SLC44A1: variants seen among roughly 807,000 people sequenced by gnomAD.
SLC44A1 encodes the protein solute carrier family 44 member 1.
Under a neutral mutation model 79.3 loss-of-function variants are expected in SLC44A1, and 26 were observed. The observed-to-expected ratio is 0.33, with a 90% confidence interval of 0.24 to 0.46. The LOEUF (loss-of-function observed/expected upper bound fraction) is 0.46. Among genes scored for constraint, SLC44A1 ranks in the 20% least tolerant of loss-of-function variants. The pLI, the probability that SLC44A1 is intolerant of heterozygous loss-of-function variation, is 1.00. For synonymous variants in SLC44A1, 263 were observed against 286.2 expected (o/e 0.92, Z 0.82); for missense variants, 688 against 798.1 (o/e 0.86, Z 1.66).
chr9:105,249,389 G>A lies in SLC44A1; in HGVS notation c.36+4485G>A, dbSNP rs549726752. Among the ~76,000 whole-genome samples the A allele has an allele frequency of 7.2e-4, 109 of 152,220 alleles. 2 individuals are homozygous for A. The highest frequency in any genetic ancestry group is 3.0e-3 in the Admixed American group (46 of 15,288). Reference sequence around the variant, plus strand: ...ACCTGCAAAGTAAACTTCATCTAACGGGAACAGAAGTCATGGCATGAAGCC... The same window carrying A: ...ACCTGCAAAGTAAACTTCATCTAACAGGAACAGAAGTCATGGCATGAAGCC... On this transcript the variant is annotated intron_variant, in intron 1 of 15. Transcript: ENST00000374720.
intron 15 of SLC44A1, among the ~76,000 whole-genome samples, chr9:105,429,884 T>G (rs2031909): frequency 0.99 from 150,008 of 151,212 alleles, 74,403 homozygotes; most frequent in East Asian, 1. Context: ...TAATTATAGG[T>G]TGTAAAATTA....
At chr9:105,287,043 G>A (rs1420243301) in intron 1 of SLC44A1, among the ~76,000 whole-genome samples, 3 of 152,186 alleles carry the variant, frequency 2.0e-5, no homozygotes, top group Non-Finnish European at 4.4e-5. Context: ...ATTAGCAAGA[G>A]AACAGCAGAA....
intron 1 of SLC44A1, among the ~76,000 whole-genome samples, chr9:105,291,150 C>G (rs1830593632): frequency 6.6e-6 from 1 of 152,194 alleles, no homozygotes; most frequent in Non-Finnish European, 1.5e-5. Context: ...TCTGCTCACT[C>G]TATTGAAAAC....
chr9:105,415,970 C>T (rs1829165489), intron 15 of SLC44A1, among the ~76,000 whole-genome samples: 3 of 139,276 alleles, frequency 2.2e-5, no homozygotes, highest in Non-Finnish European at 3.0e-5. Context: ...GGCGTGATGT[C>T]GGCTCGCTGC....
chr9:105,318,893 G>T (rs1057456096), intron 3 of SLC44A1, among the ~76,000 whole-genome samples: 2 of 152,086 alleles, frequency 1.3e-5, no homozygotes, highest in African/African-American at 4.8e-5. Context: ...GTATATGTTT[G>T]CCATGTCTAA....
intron 2 of SLC44A1, among the ~76,000 whole-genome samples, chr9:105,303,083 T>C (rs1349019416): frequency 6.6e-6 from 1 of 152,152 alleles, no homozygotes; most frequent in African/African-American, 2.4e-5. Flanking sequence ...GGGTTCAGGA[T>C]AGGTTTCTCA....
At chr9:105,258,853 A>G (rs1429371443) in intron 1 of SLC44A1, among the ~76,000 whole-genome samples, 1 of 151,174 alleles carries the variant, frequency 6.6e-6, no homozygotes, top group Admixed American at 6.6e-5. Flanking sequence ...ACACCTGGCT[A>G]ATTTTTGTTT....
intron 1 of SLC44A1, among the ~76,000 whole-genome samples, chr9:105,266,311 C>T (rs1006488980): frequency 6.6e-6 from 1 of 152,072 alleles, no homozygotes; most frequent in African/African-American, 2.4e-5. Flanking sequence ...TAAGTGAGTT[C>T]GCTTCTCATC....
chr9:105,397,967 AAAAAG>A (rs746234864), downstream of SLC44A1, among the ~76,000 whole-genome samples: 6 of 152,054 alleles, frequency 3.9e-5, no homozygotes, highest in Admixed American at 6.5e-5. Flanking sequence ...AAAAAAAGAA[AAAAAG>A]AAAAGAAAAG....
intron 1 of SLC44A1, 150 bp downstream of exon 1, chr9:105,245,054 C>G (rs1352182225): frequency 7.5e-6 from 2 of 266,656 alleles, no homozygotes; most frequent in Non-Finnish European, 6.6e-6. Context: ...GCCTTTCCGT[C>G]CGCCGGGTCC....
intron 1 of SLC44A1, among the ~76,000 whole-genome samples, chr9:105,257,770 G>C (rs1327704139): frequency 1.3e-5 from 2 of 152,210 alleles, no homozygotes; most frequent in Non-Finnish European, 2.9e-5. Context: ...GAATTCCAGT[G>C]TAAAGAACAG....
At chr9:105,304,713 G>A (rs555245579) in intron 2 of SLC44A1, among the ~76,000 whole-genome samples, 1 of 152,140 alleles carries the variant, frequency 6.6e-6, no homozygotes, top group East Asian at 1.9e-4. Context: ...AAAGTTACTT[G>A]CTCATGATGG....
Position 105,290,887 on chromosome 9 carries a change from T to G in SLC44A1, c.37-8333T>G, listed in dbSNP as rs561218585. 5.3e-5 allele frequency among the ~76,000 whole-genome samples: 8 copies of G among 152,380 alleles called. No individual in the cohort carries two copies. The South Asian group carries it at 1.7e-3, about 32-fold the overall frequency. ...CCTGTATCTTTCCACGCAGTGTATC[T>G]TAATACCTTTAACTGTCTGTTAAAA... On this transcript the variant is annotated intron_variant, in intron 1 of 15. Coordinates refer to ENST00000374720, the MANE Select transcript of SLC44A1 (RefSeq NM_080546.5).
chr9:105,420,474 G>C (rs944623756), intron 15 of SLC44A1, among the ~76,000 whole-genome samples: 1 of 152,156 alleles, frequency 6.6e-6, no homozygotes, highest in African/African-American at 2.4e-5. Flanking sequence ...TGAGAATCAT[G>C]CATCCCTTTT....
chr9:105,370,639 C>T (rs1484033840), intron 12 of SLC44A1, among the ~76,000 whole-genome samples: 2 of 151,872 alleles, frequency 1.3e-5, no homozygotes. Flanking sequence ...ATGAGGGAAA[C>T]AAAAAAAGCT....
rs1169891879 is a variant in SLC44A1, at chr9:105,244,763, C to T, written c.-106C>T. 1 of 547,036 alleles carries T rather than the reference C, an allele frequency of 1.8e-6. No homozygotes were observed. The highest frequency in any genetic ancestry group is 5.2e-5 in the East Asian group (1 of 19,404). 33.9% of individuals were successfully genotyped at this position (547,036 alleles called of 1,614,324 possible). On this transcript the variant is annotated 5_prime_UTR_variant, in exon 1 of 16. Coordinates refer to ENST00000374720, the MANE Select transcript of SLC44A1 (RefSeq NM_080546.5). ...CAGCCGCCGCCGCCGCCTAGCCGTG[C>T]GGTGCCAGGCCGCGCCCTCCCCGGG...
intron 1 of SLC44A1, among the ~76,000 whole-genome samples, chr9:105,263,195 C>T (rs186634587): frequency 6.6e-6 from 1 of 152,338 alleles, no homozygotes; most frequent in East Asian, 1.9e-4. Context: ...TTTGTTTAAA[C>T]ACTTCCAGCA....
At chr9:105,261,495 A>G (rs1201719548) in intron 1 of SLC44A1, among the ~76,000 whole-genome samples, 1 of 152,200 alleles carries the variant, frequency 6.6e-6, no homozygotes, top group African/African-American at 2.4e-5. Context: ...GCTTCTGCCC[A>G]TTGCAGCAAT....
At chr9:105,293,251 A>G (rs558945945) in intron 1 of SLC44A1, among the ~76,000 whole-genome samples, 2 of 152,368 alleles carry the variant, frequency 1.3e-5, no homozygotes, top group Non-Finnish European at 2.9e-5. Context: ...AACCTGGTGT[A>G]TGAAGGAAAG....
Sources: gnomAD v4.1 joint callset for allele counts (sites outside exome capture counted in the v4.1 genomes callset) on GRCh38, gnomAD v4.1.1 for gene constraint, MANE v1.5 for transcripts, NCBI Gene and HGNC (gene_info 2026-07-23, HGNC 2026-07-21) for gene names.